The following DKK2 variants were observed in gnomAD, a reference collection of about 807,000 sequenced individuals.
DKK2 encodes the protein dickkopf Wnt signaling pathway inhibitor 2.
In DKK2, 11 loss-of-function variants were observed where a neutral mutation model predicts 28.1. The observed-to-expected ratio is 0.39, with a 90% confidence interval of 0.25 to 0.65. DKK2 has a LOEUF of 0.65. DKK2 is among the 30% of genes least tolerant of loss of function. The pLI is 0.47. For synonymous variants in DKK2, 135 were observed against 126.5 expected (o/e 1.07, Z -0.45); for missense variants, 326 against 335.5 (o/e 0.97, Z 0.22).
At chr4:106,980,871 T>C (rs927540545) in intron 1 of DKK2, among the ~76,000 whole-genome samples, 3 of 152,186 alleles carry the variant, frequency 2.0e-5, no homozygotes, top group African/African-American at 7.2e-5. Context: ...AAAGTTTATT[T>C]TATAATAATA....
At chr4:107,014,195 A>T (rs1234903681) in intron 1 of DKK2, among the ~76,000 whole-genome samples, 2 of 151,526 alleles carry the variant, frequency 1.3e-5, no homozygotes, top group Non-Finnish European at 3.0e-5. Context: ...TCTCATGTTT[A>T]TTGTAGCATG....
At chr4:106,956,997 T>TACTC (rs1194167390) in intron 1 of DKK2, among the ~76,000 whole-genome samples, 1 of 151,800 alleles carries the variant, frequency 6.6e-6, no homozygotes, top group Non-Finnish European at 1.5e-5. Flanking sequence ...TTTCCCAACC[T>TACTC]ACTCACCTGA....
At chr4:106,998,630 C>A (rs560513227) in intron 1 of DKK2, among the ~76,000 whole-genome samples, 1 of 152,276 alleles carries the variant, frequency 6.6e-6, no homozygotes, top group East Asian at 1.9e-4. Context: ...ATGAATAATA[C>A]TTTCCAAAAA....
rs978331516 is a variant in DKK2 at position 106,963,130 on chromosome 4, G to T, written c.223-37181C>A. The stretch of plus-strand genomic sequence containing the variant: ...AGCACTTTGGGAGGCTGAGGCGGGC[G>T]GATCACTAGGTCAGGAGTTCGAGAC... On this transcript the variant is annotated intron_variant, in intron 1 of 3. Transcript: ENST00000285311. Among the ~76,000 whole-genome samples the T allele has an allele frequency of 4.6e-5, 7 of 151,702 alleles. No homozygotes were observed. The East Asian group carries it at 1.2e-3, about 25-fold the overall frequency.
intron 1 of DKK2, among the ~76,000 whole-genome samples, chr4:106,959,798 C>T (rs983263559): frequency 1.3e-5 from 2 of 151,990 alleles, no homozygotes; most frequent in African/African-American, 4.8e-5. Flanking sequence ...AGTTGCCTTT[C>T]CTCCCTTGGG....
chr4:106,954,648 A>G (rs1046107812), intron 1 of DKK2, among the ~76,000 whole-genome samples: 4 of 152,238 alleles, frequency 2.6e-5, no homozygotes, highest in Middle Eastern at 3.4e-3. Flanking sequence ...CAGCCTCCAG[A>G]GTAGCTGGGA....
rs536811433 is a variant in DKK2 at position 106,939,267 on chromosome 4, C to T, written c.223-13318G>A. 2.0e-5 allele frequency among the ~76,000 whole-genome samples: 3 copies of T among 152,220 alleles called. No homozygotes were observed. In the South Asian group the frequency reaches 6.2e-4, roughly 32 times the overall value. On this transcript the variant is annotated intron_variant, in intron 1 of 3. Transcript: ENST00000285311. ...CTGATAAGCAACTTCAGCAAAGTCT[C>T]GGGATACAAAATCAATGTACAAAAA...
At chr4:106,930,706 G>A (rs1009730926) in intron 1 of DKK2, among the ~76,000 whole-genome samples, 4 of 152,058 alleles carry the variant, frequency 2.6e-5, no homozygotes, top group South Asian at 4.1e-4. Flanking sequence ...TAACAATCTC[G>A]GAAGCTTTCT....
chr4:106,971,519 G>A lies in DKK2; in HGVS notation c.223-45570C>T, dbSNP rs376940413. On this transcript the variant is annotated intron_variant, in intron 1 of 3. Transcript: ENST00000285311. ...ATGTACACAACTACCTATAATGTAG[G>A]CCAGACCACAGAAATGCTAAGTGAT... Among the ~76,000 whole-genome samples, 7 of 152,066 alleles carry A rather than the reference G, an allele frequency of 4.6e-5. 1 individual carries two copies. Among genetic ancestry groups the A allele is most frequent in the Admixed American group, 1.3e-4 (2 of 15,240 alleles).
rs933386298 is a variant in DKK2, at chr4:106,952,440, T to C, written c.223-26491A>G. 3.9e-5 allele frequency among the ~76,000 whole-genome samples: 6 copies of C among 152,174 alleles called. No homozygotes were observed. In the South Asian group the frequency reaches 6.2e-4, roughly 16 times the overall value. ...GGTATAGCAGAACTTTCTTAAGCCA[T>C]AGAAACTGGCATCTTGAATTTTCCA... On this transcript the variant is annotated intron_variant, in intron 1 of 3. Transcript: ENST00000285311.
intron 1 of DKK2, among the ~76,000 whole-genome samples, chr4:106,984,606 A>C (rs1723089685): frequency 6.6e-6 from 1 of 152,184 alleles, no homozygotes; most frequent in Non-Finnish European, 1.5e-5. Context: ...AAATAATCTC[A>C]TATTGTATGT....
chr4:106,995,797 G>C (rs553680181), intron 1 of DKK2, among the ~76,000 whole-genome samples: 1 of 152,118 alleles, frequency 6.6e-6, no homozygotes, highest in Non-Finnish European at 1.5e-5. Flanking sequence ...ATTTTTAGTA[G>C]AGACGGGGTT....
At chr4:106,941,291 G>A (rs1724695193) in intron 1 of DKK2, among the ~76,000 whole-genome samples, 2 of 151,998 alleles carry the variant, frequency 1.3e-5, no homozygotes, top group Non-Finnish European at 1.5e-5. Context: ...ATGTCTCCCT[G>A]AGATATAGAA....
chr4:106,956,663 A>G (rs889806081), intron 1 of DKK2, among the ~76,000 whole-genome samples: 2 of 152,148 alleles, frequency 1.3e-5, no homozygotes, highest in Non-Finnish European at 2.9e-5. Context: ...AGGATTCCCT[A>G]TTTAATAAAT....
At chr4:106,995,004 T>C (rs907459848) in intron 1 of DKK2, among the ~76,000 whole-genome samples, 9 of 152,348 alleles carry the variant, frequency 5.9e-5, no homozygotes, top group African/African-American at 2.2e-4. Context: ...ATTAAAACCA[T>C]GGTTTCATGA....
intron 1 of DKK2, among the ~76,000 whole-genome samples, chr4:107,029,802 G>T (rs1377083536): frequency 6.6e-6 from 1 of 151,892 alleles, no homozygotes; most frequent in East Asian, 1.9e-4. Context: ...TTGTAGATTT[G>T]TTCTTTTTTT....
intron 1 of DKK2, among the ~76,000 whole-genome samples, chr4:106,928,837 G>A (rs780163978): frequency 6.6e-6 from 1 of 152,168 alleles, no homozygotes; most frequent in Non-Finnish European, 1.5e-5. Context: ...AAGTATGAGG[G>A]TTCTGCAGTT....
At chr4:106,981,839 TTA>T (rs1404409141) in intron 1 of DKK2, among the ~76,000 whole-genome samples, 2 of 152,148 alleles carry the variant, frequency 1.3e-5, no homozygotes, top group East Asian at 1.9e-4. Context: ...TATATCATAC[TTA>T]TATAATATAT....
At chr4:106,981,973 G>T (rs1723032501) in intron 1 of DKK2, among the ~76,000 whole-genome samples, 1 of 152,072 alleles carries the variant, frequency 6.6e-6, no homozygotes, top group Non-Finnish European at 1.5e-5. Flanking sequence ...ATATTTATGT[G>T]CTCAATAAAT....
Sources: allele counts gnomAD v4.1 joint callset (sites outside exome capture counted in the v4.1 genomes callset), GRCh38; gene constraint gnomAD v4.1.1; transcripts MANE v1.5; gene names NCBI Gene and HGNC (gene_info 2026-07-23, HGNC 2026-07-21).